Variants in NELL1 observed in about 807,000 individuals in gnomAD.
The protein encoded by NELL1 is neural EGFL like 1, also known as protein kinase C-binding protein NELL1.
In NELL1, 76 loss-of-function variants were observed where a neutral mutation model predicts 107.4. That is an observed-to-expected ratio of 0.71 (90% CI 0.59 to 0.86). The LOEUF (loss-of-function observed/expected upper bound fraction) is 0.86. Among genes scored for constraint, NELL1 ranks in the 40% least tolerant of loss-of-function variants. NELL1 has a pLI of 0.00. For missense variants in NELL1, 1,024 were observed against 1,005.5 expected (o/e 1.02, Z -0.25); for synonymous variants, 353 against 341.2 (o/e 1.03, Z -0.38).
intron 3 of NELL1, among the ~76,000 whole-genome samples, chr11:20,797,285 C>T (rs981483071): frequency 6.6e-6 from 1 of 151,108 alleles, no homozygotes; most frequent in African/African-American, 2.4e-5. Flanking sequence ...AGGTTGCTGG[C>T]CGGGCGCGGT....
chr11:21,075,642 A>C (rs1854116920), intron 12 of NELL1, among the ~76,000 whole-genome samples: 1 of 152,106 alleles, frequency 6.6e-6, no homozygotes, highest in Non-Finnish European at 1.5e-5. Flanking sequence ...ATGGGGTTCC[A>C]TTATGTTTGC....
chr11:20,940,642 C>T (rs202210404), intron 10 of NELL1, among the ~76,000 whole-genome samples: 10 of 152,212 alleles, frequency 6.6e-5, no homozygotes, highest in East Asian at 3.9e-4. Flanking sequence ...AAGGTGAAAG[C>T]GCCAGTATTT....
intron 13 of NELL1, chr11:21,169,825 C>A: frequency 7.1e-7 from 1 of 1,406,686 alleles, no homozygotes. Flanking sequence ...CTGCTGAGCC[C>A]GATGCAAGTG....
intron 4 of NELL1, among the ~76,000 whole-genome samples, chr11:20,868,161 C>G (rs1230037458): frequency 6.6e-6 from 1 of 152,090 alleles, no homozygotes; most frequent in Non-Finnish European, 1.5e-5. Context: ...ACAGTAGGAT[C>G]AGGGAGGTTT....
At chr11:20,766,849 T>G (rs559755970) in intron 2 of NELL1, among the ~76,000 whole-genome samples, 66 of 152,192 alleles carry the variant, frequency 4.3e-4, no homozygotes, top group African/African-American at 1.6e-3. Context: ...TTCAAGTGAT[T>G]CTCCTGCCTC....
At chr11:21,338,322 A>C (rs1850483181) in intron 14 of NELL1, among the ~76,000 whole-genome samples, 1 of 152,210 alleles carries the variant, frequency 6.6e-6, no homozygotes, top group Non-Finnish European at 1.5e-5. Flanking sequence ...TTTAGAGAGG[A>C]CAATCACAAA....
At chr11:21,263,533 T>C (rs1287944563) in intron 14 of NELL1, among the ~76,000 whole-genome samples, 1 of 152,044 alleles carries the variant, frequency 6.6e-6, no homozygotes, top group African/African-American at 2.4e-5. Flanking sequence ...CAATATGGAA[T>C]CTGCATTCAG....
At chr11:20,899,559 TAGAAAA>T (rs1179045467) in intron 5 of NELL1, among the ~76,000 whole-genome samples, 1 of 151,988 alleles carries the variant, frequency 6.6e-6, no homozygotes, top group East Asian at 1.9e-4. Context: ...ATAGGGAAGT[TAGAAAA>T]AGAACAACAG....
At chr11:21,120,715 T>C (rs1855348118) in intron 13 of NELL1, among the ~76,000 whole-genome samples, 1 of 152,170 alleles carries the variant, frequency 6.6e-6, no homozygotes, top group Non-Finnish European at 1.5e-5. Flanking sequence ...AAGCTACTTT[T>C]TGCTTGTTAA....
intron 1 of NELL1, among the ~76,000 whole-genome samples, chr11:20,675,814 C>T (rs1854040939): frequency 6.6e-6 from 1 of 151,942 alleles, no homozygotes; most frequent in South Asian, 2.1e-4. Context: ...CACTCTGGCA[C>T]CCAGGCTGGA....
intron 14 of NELL1, chr11:21,283,826 AT>A (rs1295313313): frequency 1.0e-5 from 2 of 199,626 alleles, no homozygotes; most frequent in Non-Finnish European, 2.1e-5. Context: ...TGTGAAGGCA[AT>A]TTTCCAACCT....
intron 12 of NELL1, among the ~76,000 whole-genome samples, chr11:21,049,623 C>T (rs535724987): frequency 6.6e-6 from 1 of 152,224 alleles, no homozygotes; most frequent in South Asian, 2.1e-4. Context: ...ACCAGGGCCA[C>T]TGCCATAGGG....
intron 14 of NELL1, among the ~76,000 whole-genome samples, chr11:21,252,313 A>G (rs1332316112): frequency 6.6e-6 from 1 of 152,042 alleles, no homozygotes; most frequent in Non-Finnish European, 1.5e-5. Context: ...TGGTTTTCCT[A>G]TTGTAACATT....
chr11:20,755,550 G>T lies in NELL1; in HGVS notation c.185-28130G>T, dbSNP rs2403624. On this transcript the variant is annotated intron_variant, in intron 2 of 19. Transcript: ENST00000357134. Reference sequence around the variant, plus strand: ...CCTGTGTGGGTTTTTGTTTTTTTTTGTTTTTGTTTTTGTTTTTTTTTTTTT... The same window carrying T: ...CCTGTGTGGGTTTTTGTTTTTTTTTTTTTTTGTTTTTGTTTTTTTTTTTTT... Among the ~76,000 whole-genome samples, 1,102 of 114,266 alleles carry T rather than the reference G, an allele frequency of 9.6e-3. 24 individuals are homozygous for T. The highest frequency in any genetic ancestry group is 0.039 in the African/African-American group (863 of 22,292). 75.0% of individuals were successfully genotyped at this position (114,266 alleles called of 152,430 possible). A position where few individuals can be genotyped will look rare whatever the true frequency, so the allele number is the denominator to read the frequency against.
intron 9 of NELL1, among the ~76,000 whole-genome samples, chr11:20,928,739 C>T (rs919979376): frequency 2.6e-5 from 4 of 151,934 alleles, no homozygotes; most frequent in Admixed American, 1.3e-4. Context: ...GTGGAAGGAA[C>T]GTGTGTTCAC....
chr11:20,907,230 C>T (rs1389568139), intron 5 of NELL1, among the ~76,000 whole-genome samples: 1 of 12,882 alleles, frequency 7.8e-5, no homozygotes, highest in African/African-American at 1.3e-4. Flanking sequence ...GTGACTCCAT[C>T]TCAAAAAAAA....
intron 17 of NELL1, among the ~76,000 whole-genome samples, chr11:21,564,191 T>C (rs927337153): frequency 4.6e-5 from 7 of 151,860 alleles, no homozygotes; most frequent in African/African-American, 1.7e-4. Flanking sequence ...CCTGAGCAGA[T>C]AGAAGCTAAC....
chr11:21,484,472 A>G (rs1343028423), intron 15 of NELL1, among the ~76,000 whole-genome samples: 1 of 151,768 alleles, frequency 6.6e-6, no homozygotes, highest in Non-Finnish European at 1.5e-5. Flanking sequence ...CCACATCTTC[A>G]TGTAATTTAA....
intron 14 of NELL1, chr11:21,284,684 T>C (rs1253356507): frequency 1.1e-5 from 4 of 370,114 alleles, no homozygotes; most frequent in Non-Finnish European, 1.1e-5. Context: ...GAGCCAACTA[T>C]GTCTATATGT....
Sources: gnomAD v4.1 joint callset for allele counts (sites outside exome capture counted in the v4.1 genomes callset) on GRCh38, gnomAD v4.1.1 for gene constraint, MANE v1.5 for transcripts, NCBI Gene and HGNC (gene_info 2026-07-23, HGNC 2026-07-21) for gene names.